DGKB: variants seen among roughly 807,000 people sequenced by gnomAD.
The protein encoded by DGKB is diacylglycerol kinase beta, also known as 90 kDa diacylglycerol kinase.
DGKB carries 67 observed loss-of-function variants against 114.3 expected under a neutral mutation model. The observed-to-expected ratio is 0.59, with a 90% CI of 0.48 to 0.72. The LOEUF (loss-of-function observed/expected upper bound fraction) is 0.72. Ranked by LOEUF, DGKB falls within the 30% of genes least tolerant of loss-of-function variation. The pLI is 0.00. For synonymous variants in DGKB, 398 were observed against 323.1 expected (o/e 1.23, Z -2.49); for missense variants, 907 against 975.2 (o/e 0.93, Z 0.93).
At chr7:14,839,431 G>T (rs1420579635) in intron 2 of DGKB, among the ~76,000 whole-genome samples, 4 of 139,470 alleles carry the variant, frequency 2.9e-5, no homozygotes, top group African/African-American at 8.2e-5. Context: ...TTTTTTGACA[G>T]GGTCTGGCTG....
At chr7:14,572,029 C>G (rs1798458726) in intron 20 of DGKB, among the ~76,000 whole-genome samples, 1 of 152,102 alleles carries the variant, frequency 6.6e-6, no homozygotes, top group South Asian at 2.1e-4. Context: ...GAAAGTGTGT[C>G]ACACATTTAG....
intron 16 of DGKB, among the ~76,000 whole-genome samples, chr7:14,612,154 C>CATTTT (rs372883232): frequency 0.051 from 7,388 of 145,860 alleles, 534 homozygotes; most frequent in African/African-American, 0.16. Flanking sequence ...ATCTTATACT[C>CATTTT]ATTTTATTTT....
chr7:14,666,359 T>G (rs903545103), intron 13 of DGKB, among the ~76,000 whole-genome samples: 2 of 152,162 alleles, frequency 1.3e-5, no homozygotes, highest in Middle Eastern at 3.4e-3. Flanking sequence ...CAACATAGAC[T>G]ACATCTGTCT....
chr7:14,167,172 C>T (rs953630907), intron 25 of DGKB, among the ~76,000 whole-genome samples: 1 of 138,388 alleles, frequency 7.2e-6, no homozygotes, highest in Non-Finnish European at 1.5e-5. Context: ...CTTCATGCCA[C>T]TGCACTCCAG....
intron 19 of DGKB, among the ~76,000 whole-genome samples, chr7:14,575,247 C>A (rs1798952320): frequency 6.6e-6 from 1 of 152,168 alleles, no homozygotes; most frequent in Admixed American, 6.6e-5. Context: ...TCAAAACTAG[C>A]CCTATCTTAG....
rs558847056 is a variant in DGKB, at chr7:14,504,502, T to C, written c.1771-26277A>G. ...CATGTAGAAATGAACTTGTTGACTA[T>C]TTTTTCCCTATAGCTTTTGCTTTGT... On this transcript the variant is annotated intron_variant, in intron 20 of 25. Transcript: ENST00000402815. Among the ~76,000 whole-genome samples the C allele has an allele frequency of 2.0e-5, 3 of 152,182 alleles. No homozygotes were observed. The South Asian group carries it at 6.2e-4, about 31-fold the overall frequency.
chr7:14,485,909 A>T (rs1783733726), intron 20 of DGKB, among the ~76,000 whole-genome samples: 1 of 151,178 alleles, frequency 6.6e-6, no homozygotes, highest in Admixed American at 6.6e-5. Context: ...AAAAAAAAAT[A>T]GGGACACCTT....
chr7:14,153,229 T>C (rs1264545758), intron 25 of DGKB, among the ~76,000 whole-genome samples: 1 of 152,008 alleles, frequency 6.6e-6, no homozygotes, highest in Non-Finnish European at 1.5e-5. Context: ...GCATCAAATA[T>C]TTCCAAACCC....
At chr7:14,591,919 A>G (rs1020026317) in intron 17 of DGKB, among the ~76,000 whole-genome samples, 5 of 152,022 alleles carry the variant, frequency 3.3e-5, no homozygotes, top group African/African-American at 1.2e-4. Context: ...AGAAAAGAAA[A>G]TTGTAGTACT....
At position 14,676,888 on chromosome 7, in the gene DGKB, T is replaced by C. The variant is rs138128393; in HGVS notation, c.1036-3861A>G. The stretch of plus-strand genomic sequence containing the variant: ...TTAAAATTTAAAAAAACATTTTTGT[T>C]CAGTTATCTTTGTATTTTTTTCAAG... On this transcript the variant is annotated intron_variant, in intron 12 of 25. Transcript: ENST00000402815. Among the ~76,000 whole-genome samples, 299 of 152,196 alleles carry C rather than the reference T, an allele frequency of 2.0e-3. 4 individuals carry two copies. Among genetic ancestry groups the C allele is most frequent in the Non-Finnish European group, 6.3e-4 (43 of 67,986 alleles).
At chr7:14,253,645 T>C (rs901375033) in intron 23 of DGKB, among the ~76,000 whole-genome samples, 10 of 152,244 alleles carry the variant, frequency 6.6e-5, no homozygotes, top group African/African-American at 2.4e-4. Flanking sequence ...AATACTGCGA[T>C]GTAAATGAAA....
intron 21 of DGKB, among the ~76,000 whole-genome samples, chr7:14,407,426 T>A (rs1211552461): frequency 6.6e-6 from 1 of 151,988 alleles, no homozygotes; most frequent in Non-Finnish European, 1.5e-5. Flanking sequence ...TGCTCCACGG[T>A]GTGAGACTGG....
chr7:14,861,734 G>A (rs1023246405), intron 1 of DGKB, among the ~76,000 whole-genome samples: 1 of 151,866 alleles, frequency 6.6e-6, no homozygotes, highest in Non-Finnish European at 1.5e-5. Context: ...ATTTGTCTGT[G>A]CTTGCTTCAT....
intron 9 of DGKB, among the ~76,000 whole-genome samples, chr7:14,692,755 T>C (rs1735567085): frequency 6.6e-6 from 1 of 151,716 alleles, no homozygotes; most frequent in African/African-American, 2.4e-5. Flanking sequence ...CTTATTAGTA[T>C]TTTATTGTTT....
chr7:14,334,570 G>T (rs13309076), intron 23 of DGKB, among the ~76,000 whole-genome samples: 1 of 151,258 alleles, frequency 6.6e-6, no homozygotes, highest in Non-Finnish European at 1.5e-5. Context: ...TTTATTGTCC[G>T]CAAATCTGGC....
At chr7:14,632,215 T>C (rs554146232) in intron 13 of DGKB, among the ~76,000 whole-genome samples, 25 of 152,046 alleles carry the variant, frequency 1.6e-4, no homozygotes, top group Admixed American at 1.4e-3. Flanking sequence ...CTGTAGACAT[T>C]TGAATATGGA....
chr7:14,322,979 A>G (rs1338158606), intron 23 of DGKB, among the ~76,000 whole-genome samples: 1 of 152,160 alleles, frequency 6.6e-6, no homozygotes, highest in South Asian at 2.1e-4. Context: ...AATCAGTACA[A>G]TCACTTTTAG....
intron 4 of DGKB, among the ~76,000 whole-genome samples, chr7:14,753,581 A>G (rs1232875801): frequency 1.3e-5 from 2 of 152,194 alleles, no homozygotes; most frequent in African/African-American, 2.4e-5. Flanking sequence ...CCCATGGTAA[A>G]TTAATAAATT....
chr7:14,869,303 G>T (rs917275815), intron 1 of DGKB, among the ~76,000 whole-genome samples: 4 of 152,110 alleles, frequency 2.6e-5, no homozygotes, highest in Non-Finnish European at 4.4e-5. Flanking sequence ...TTACCTTGGA[G>T]ACTTTGAAAT....
Sources: gnomAD v4.1 joint callset for allele counts (sites outside exome capture counted in the v4.1 genomes callset) on GRCh38, gnomAD v4.1.1 for gene constraint, MANE v1.5 for transcripts, NCBI Gene and HGNC (gene_info 2026-07-23, HGNC 2026-07-21) for gene names.